S100PBP: variants seen among roughly 807,000 people sequenced by gnomAD.
S100PBP encodes the protein S100P binding protein, also known as S100P-binding protein.
S100PBP carries 15 observed loss-of-function variants against 39.9 expected under a neutral mutation model. The ratio of observed to expected loss-of-function variants is 0.38; its 90% CI spans 0.25 to 0.58. The LOEUF is 0.58. S100PBP is among the 20% of genes least tolerant of loss of function. The pLI, the probability that S100PBP is intolerant of heterozygous loss-of-function variation, is 0.70. For synonymous variants in S100PBP, 178 were observed against 180.3 expected (o/e 0.99, Z 0.10); for missense variants, 504 against 487.3 (o/e 1.03, Z -0.32).
At chr1:32,828,854 T>C (rs1297530766) in intron 4 of S100PBP, among the ~76,000 whole-genome samples, 1 of 151,922 alleles carries the variant, frequency 6.6e-6, no homozygotes, top group African/African-American at 2.4e-5. Flanking sequence ...TACAAAAAAA[T>C]ACCCAGGTGT....
chr1:32,834,078 T>C (rs779595863), intron 5 of S100PBP: 2 of 293,822 alleles, frequency 6.8e-6, no homozygotes, highest in Non-Finnish European at 1.4e-5. Flanking sequence ...TATATAAACA[T>C]TTAAAAAACT....
chr1:32,837,672 C>A (rs549317898), intron 5 of S100PBP, among the ~76,000 whole-genome samples: 10 of 151,480 alleles, frequency 6.6e-5, no homozygotes, highest in Non-Finnish European at 1.5e-4. Flanking sequence ...AATCCCCAGG[C>A]AAGATTGACC....
chr1:32,851,341 A>T (rs1640598654), intron 5 of S100PBP, among the ~76,000 whole-genome samples: 1 of 152,150 alleles, frequency 6.6e-6, no homozygotes, highest in South Asian at 2.1e-4. Flanking sequence ...CGAGCTGAAA[A>T]GTCTCCACTG....
chr1:32,824,027 T>G (rs1294229851), intron 1 of S100PBP, among the ~76,000 whole-genome samples: 3 of 152,086 alleles, frequency 2.0e-5, no homozygotes, highest in Non-Finnish European at 4.4e-5. Context: ...TGAAACCCCA[T>G]CTCTACTAAA....
At chr1:32,844,907 C>T (rs1199023096) in intron 5 of S100PBP, among the ~76,000 whole-genome samples, 1 of 151,848 alleles carries the variant, frequency 6.6e-6, no homozygotes, top group African/African-American at 2.4e-5. Context: ...CGGCTCACTG[C>T]AAGCTGTGCC....
intron 1 of S100PBP, among the ~76,000 whole-genome samples, chr1:32,821,628 T>TTTC (rs1639068701): frequency 1.4e-5 from 2 of 147,264 alleles, no homozygotes; most frequent in African/African-American, 2.6e-5. Context: ...CCTGTTTCTT[T>TTTC]TTTCTTTCTT....
chr1:32,833,970 A>G, intron 5 of S100PBP: 1 of 234,404 alleles, frequency 4.3e-6, no homozygotes, highest in South Asian at 5.2e-5. Context: ...GTCCATTTTC[A>G]TTAGTAATGC....
At position 32,826,276 on chromosome 1, in the gene S100PBP, T is replaced by C. The variant is rs761468818; in HGVS notation, c.177T>C (p.Asp59=). The change falls in exon 3 of 7, where the codon GAT becomes GAC. Residue 59 remains aspartate, a synonymous_variant. Transcript: ENST00000373475. ...GDVNYTEEEI[D]ALLKEDDPSY... ...TAAATTACACAGAGGAAGAGATTGA[T>C]GCACTGTTGAAGGAAGATGACCCAT... 22 of 1,614,046 alleles carry C rather than the reference T, an allele frequency of 1.4e-5. No homozygotes were observed. The highest frequency in any genetic ancestry group is 5.3e-5 in the African/African-American group (4 of 74,924).
rs375445858 is a variant in S100PBP, at chr1:32,841,895, C to A, written c.1025-11184C>A. Among the ~76,000 whole-genome samples the A allele has an allele frequency of 8.6e-5, 13 of 150,756 alleles. No homozygotes were observed. The East Asian group carries it at 2.6e-3, about 30-fold the overall frequency. ...ATCTATGATCCTTTTAAAATTTATT[C>A]TGTATGTAGTGCAAGATATGGATTA... On this transcript the variant is annotated intron_variant, in intron 5 of 6. Coordinates refer to ENST00000373475, the MANE Select transcript of S100PBP (RefSeq NM_022753.4).
intron 5 of S100PBP, among the ~76,000 whole-genome samples, chr1:32,833,794 G>A (rs923476158): frequency 6.6e-6 from 1 of 151,852 alleles, no homozygotes; most frequent in African/African-American, 2.4e-5. Flanking sequence ...TTTCCTGTAA[G>A]GTAGAATATA....
intron 5 of S100PBP, among the ~76,000 whole-genome samples, chr1:32,846,185 T>C (rs576421494): frequency 3.0e-4 from 46 of 151,900 alleles, no homozygotes; most frequent in African/African-American, 1.1e-3. Flanking sequence ...GAGATGGGGT[T>C]TCACTGTGTT....
In S100PBP at chr1:32,856,028, C is replaced by T. The variant is rs1195667910; in HGVS notation, c.1217C>T (p.Ser406Leu). 30 of 1,610,014 alleles carry T rather than the reference C, an allele frequency of 1.9e-5. No individual in the cohort carries two copies. The highest frequency in any genetic ancestry group is 4.5e-5 in the East Asian group (2 of 44,830). Residue 406 changes from serine (S) to leucine (L), a missense_variant, in exon 7 of 7, where the codon TCG becomes TTG. Transcript: ENST00000373475. ...CGGTTCCAGCGTCTCCCAGACTTCT[C>T]GTACAGTTAATTTGTGTCATCCCAT... ...HHRFQRLPDF[S>L]YS
intron 6 of S100PBP, among the ~76,000 whole-genome samples, chr1:32,854,938 A>C (rs559091375): frequency 6.6e-6 from 1 of 152,212 alleles, no homozygotes; most frequent in Non-Finnish European, 1.5e-5. Context: ...ACTCTACTCT[A>C]TGACCTTGGG....
rs771559188 is a variant in S100PBP, at chr1:32,826,114, G to C, written c.15G>C (p.Arg5=). 9.3e-6 allele frequency: 15 copies of C among 1,610,378 alleles called. No individual in the cohort carries two copies. In the South Asian group the frequency reaches 1.4e-4, roughly 15 times the overall value. MMCS[R]VPSEQSSGTS... is the part of the protein sequence containing the mutation. ...TTTCTCCAGAAATGATGTGCTCACG[G>C]GTGCCCTCTGAACAGTCTTCTGGTA... The change falls in exon 3 of 7, where the codon CGG becomes CGC. Residue 5 remains arginine, a synonymous_variant. Coordinates refer to ENST00000373475, the MANE Select transcript of S100PBP (RefSeq NM_022753.4).
In S100PBP at chr1:32,856,045, T is replaced by C. The variant is rs1248261264; in HGVS notation, c.*7T>C. ...AGACTTCTCGTACAGTTAATTTGTG[T>C]CATCCCATCAGCAATGAAGGTCCCT... On this transcript the variant is annotated 3_prime_UTR_variant, in exon 7 of 7. Coordinates refer to ENST00000373475, the MANE Select transcript of S100PBP (RefSeq NM_022753.4). 1.3e-6 allele frequency: 2 copies of C among 1,587,176 alleles called. No individual in the cohort carries two copies. Among genetic ancestry groups the C allele is most frequent in the Non-Finnish European group, 1.7e-6 (2 of 1,155,984 alleles).
intron 1 of S100PBP, among the ~76,000 whole-genome samples, chr1:32,819,914 A>G (rs1273420628): frequency 6.6e-6 from 1 of 152,046 alleles, no homozygotes; most frequent in Admixed American, 6.6e-5. Flanking sequence ...AAGTTCAGAG[A>G]CTTGAAGTGA....
chr1:32,831,843 T>G (rs558929011), intron 5 of S100PBP, among the ~76,000 whole-genome samples: 1 of 152,288 alleles, frequency 6.6e-6, no homozygotes, highest in South Asian at 2.1e-4. Context: ...CAGTTGACAC[T>G]GATGATATCC....
intron 6 of S100PBP, among the ~76,000 whole-genome samples, chr1:32,853,581 A>AAGT (rs1343742754): frequency 6.6e-6 from 1 of 151,628 alleles, no homozygotes. Flanking sequence ...CAGGGGGAAA[A>AAGT]AGTGATGCAG....
At chr1:32,844,480 G>A (rs1640265980) in intron 5 of S100PBP, among the ~76,000 whole-genome samples, 2 of 152,088 alleles carry the variant, frequency 1.3e-5, no homozygotes, top group South Asian at 4.1e-4. Context: ...ACCCTGTTTT[G>A]TTACTAATTT....
Sources: gnomAD v4.1 joint callset for allele counts (sites outside exome capture counted in the v4.1 genomes callset) on GRCh38, gnomAD v4.1.1 for gene constraint, MANE v1.5 for transcripts, NCBI Gene and HGNC (gene_info 2026-07-23, HGNC 2026-07-21) for gene names.